PDE3B: variants seen among roughly 807,000 people sequenced by gnomAD.
PDE3B encodes phosphodiesterase 3B, also known as cGMP-inhibited 3',5'-cyclic phosphodiesterase 3B.
A neutral mutation model predicts 116.8 loss-of-function variants in PDE3B; 66 were observed. The ratio of observed to expected loss-of-function variants is 0.56; its 90% confidence interval spans 0.46 to 0.69. The LOEUF is 0.69. PDE3B is among the 30% of genes least tolerant of loss of function. PDE3B has a pLI of 0.00. For missense variants in PDE3B, 1,384 were observed against 1,368.1 expected, an observed-to-expected ratio of 1.01 and a Z score of -0.18; for synonymous variants, 595 against 533.6, an observed-to-expected ratio of 1.12 and a Z score of -1.59.
At chr11:14,726,606 A>G (rs2133849456) in intron 1 of PDE3B, among the ~76,000 whole-genome samples, 1 of 152,306 alleles carries the variant, frequency 6.6e-6, no homozygotes, top group African/African-American at 2.4e-5. Flanking sequence ...TATAAATCAG[A>G]TTAGAAGGAC....
intron 2 of PDE3B, among the ~76,000 whole-genome samples, chr11:14,785,685 C>T (rs920024118): frequency 1.3e-5 from 2 of 152,010 alleles, no homozygotes; most frequent in African/African-American, 2.4e-5. Context: ...ATGTTTACAT[C>T]GGTGACATAT....
At chr11:14,844,301 C>T (rs776409859) in intron 12 of PDE3B, among the ~76,000 whole-genome samples, 2 of 152,226 alleles carry the variant, frequency 1.3e-5, no homozygotes, top group Admixed American at 6.5e-5. Context: ...ATATTTTTGT[C>T]TTTAATCAAA....
chr11:14,752,943 C>T (rs553944836), intron 1 of PDE3B, among the ~76,000 whole-genome samples: 7 of 152,010 alleles, frequency 4.6e-5, no homozygotes, highest in South Asian at 4.2e-4. Context: ...TCATTTATTC[C>T]ATTGCTTTGG....
Position 14,771,923 on chromosome 11 carries a change from AT to A in PDE3B, c.979-5del, listed in dbSNP as rs759539367. On this transcript the variant is annotated splice_polypyrimidine_tract_variant and intron_variant, in intron 1 of 15. Transcript: ENST00000282096. ...TTATTTTTGGTTTGTAACCAAGTGA[AT>A]TTTTTTTTCTAGATGATTCTTTGGG... 151 of 1,258,894 alleles carry A rather than the reference AT, an allele frequency of 1.2e-4. No homozygotes were observed. The highest frequency in any genetic ancestry group is 2.0e-4 in the Middle Eastern group (1 of 5,098). 78.0% of individuals were successfully genotyped at this position (1,258,894 alleles called of 1,614,324 possible).
At chr11:14,847,682 A>C (rs942985649) in intron 12 of PDE3B, among the ~76,000 whole-genome samples, 1 of 152,232 alleles carries the variant, frequency 6.6e-6, no homozygotes, top group African/African-American at 2.4e-5. Flanking sequence ...CAGAAATACA[A>C]ACTGCCATCA....
chr11:14,738,618 T>A (rs1431565265), intron 1 of PDE3B, among the ~76,000 whole-genome samples: 1 of 152,260 alleles, frequency 6.6e-6, no homozygotes. Flanking sequence ...AGATCCCATT[T>A]GTCAATTTTG....
intron 1 of PDE3B, among the ~76,000 whole-genome samples, chr11:14,759,114 A>G (rs1857277696): frequency 6.6e-6 from 1 of 152,116 alleles, no homozygotes; most frequent in Non-Finnish European, 1.5e-5. Context: ...CCCAGGGATG[A>G]AGCCCACTTG....
the PDE3B span, among the ~76,000 whole-genome samples, chr11:14,899,130 A>T: frequency 6.6e-6 from 1 of 152,176 alleles, no homozygotes; most frequent in African/African-American, 2.4e-5. Flanking sequence ...AACCCTGACT[A>T]TGCTTAGTGC....
At chr11:14,659,937 GC>G (rs1296134737) in intron 1 of PDE3B, among the ~76,000 whole-genome samples, 1 of 152,196 alleles carries the variant, frequency 6.6e-6, no homozygotes, top group Non-Finnish European at 1.5e-5. Flanking sequence ...CACAGCAGAA[GC>G]AGTTCATACA....
rs528833101 is a variant in PDE3B at position 14,757,048 on chromosome 11, T to C, written c.979-14889T>C. 1.9e-3 allele frequency among the ~76,000 whole-genome samples: 285 copies of C among 150,122 alleles called. 1 individual carries two copies. The highest frequency in any genetic ancestry group is 6.4e-3 in the African/African-American group (260 of 40,822). On this transcript the variant is annotated intron_variant, in intron 1 of 15. Transcript: ENST00000282096. ...ATTCCCACCTATGAGTGAGAATATG[T>C]GGTGTTTGGTTTTTTGCTCTTGCAA...
chr11:14,692,326 G>T (rs1180174705), intron 1 of PDE3B, among the ~76,000 whole-genome samples: 1 of 152,020 alleles, frequency 6.6e-6, no homozygotes, highest in Non-Finnish European at 1.5e-5. Context: ...TTTGTTGCAT[G>T]GTTTAAATAA....
intron 7 of PDE3B, among the ~76,000 whole-genome samples, chr11:14,823,709 G>A (rs912804871): frequency 2.0e-5 from 3 of 152,168 alleles, no homozygotes; most frequent in Non-Finnish European, 2.9e-5. Context: ...CTTCACTGTT[G>A]ATACCTTCAG....
At chr11:14,703,692 T>C (rs1476063670) in intron 1 of PDE3B, among the ~76,000 whole-genome samples, 1 of 151,854 alleles carries the variant, frequency 6.6e-6, no homozygotes, top group Non-Finnish European at 1.5e-5. Flanking sequence ...TTTTCCGTTA[T>C]GTGGAACAGT....
In PDE3B at chr11:14,725,657, A is replaced by G. The variant is rs931235510; in HGVS notation, c.979-46280A>G. On this transcript the variant is annotated intron_variant, in intron 1 of 15. Coordinates refer to ENST00000282096, the MANE Select transcript of PDE3B (RefSeq NM_000922.4). Reference sequence around the variant, plus strand: ...TCCTTTTTCTCTCTCTCTTTCTTATACTCCATATTCAGTCCATTAGCAGCT... The same window carrying G: ...TCCTTTTTCTCTCTCTCTTTCTTATGCTCCATATTCAGTCCATTAGCAGCT... 6.3e-5 allele frequency among the ~76,000 whole-genome samples: 8 copies of G among 127,676 alleles called. No individual in the cohort carries two copies. The Admixed American group carries it at 7.2e-4, about 12-fold the overall frequency. The allele number at this position is 127,676 out of a possible 152,430, so 83.8% of individuals were successfully genotyped here.
At chr11:14,667,218 G>A (rs1854188318) in intron 1 of PDE3B, among the ~76,000 whole-genome samples, 1 of 151,146 alleles carries the variant, frequency 6.6e-6, no homozygotes, top group Non-Finnish European at 1.5e-5. Flanking sequence ...CTCACTCATA[G>A]GTGGGAATTG....
intron 1 of PDE3B, among the ~76,000 whole-genome samples, chr11:14,737,576 T>G (rs1016219375): frequency 2.0e-5 from 3 of 152,190 alleles, no homozygotes; most frequent in Non-Finnish European, 4.4e-5. Flanking sequence ...CAGCTCTTCT[T>G]TAAAAAAATT....
At chr11:14,851,683 T>C (rs973806803) in intron 12 of PDE3B, among the ~76,000 whole-genome samples, 6 of 152,156 alleles carry the variant, frequency 3.9e-5, no homozygotes, top group African/African-American at 1.4e-4. Context: ...AAAAGTACCT[T>C]CTAAGTGGCA....
At chr11:14,709,623 G>T (rs1384393071) in intron 1 of PDE3B, among the ~76,000 whole-genome samples, 2 of 152,110 alleles carry the variant, frequency 1.3e-5, no homozygotes, top group Admixed American at 1.3e-4. Context: ...GTGTGTTCTG[G>T]CTGGTGGTTC....
intron 1 of PDE3B, among the ~76,000 whole-genome samples, chr11:14,661,549 C>T (rs906891664): frequency 4.6e-5 from 7 of 152,196 alleles, no homozygotes; most frequent in East Asian, 1.9e-4. Flanking sequence ...GTTCCCTTTC[C>T]TAGTCAAAGA....
Sources: allele counts gnomAD v4.1 joint callset (sites outside exome capture counted in the v4.1 genomes callset), GRCh38; gene constraint gnomAD v4.1.1; transcripts MANE v1.5; gene names NCBI Gene and HGNC (gene_info 2026-07-23, HGNC 2026-07-21).